Variants in CDH9 observed in about 807,000 individuals in gnomAD.
The protein encoded by CDH9 is cadherin 9, also known as cadherin-9.
CDH9 carries 28 observed loss-of-function variants against 70.9 expected under a neutral mutation model. That is an observed-to-expected ratio of 0.40 (90% CI 0.29 to 0.54). CDH9 has a LOEUF of 0.54. CDH9 is among the 20% of genes least tolerant of loss of function. CDH9 has a pLI of 0.59. For missense variants in CDH9, 874 were observed against 984.4 expected (o/e 0.89, Z 1.50); for synonymous variants, 409 against 343.1 (o/e 1.19, Z -2.12).
chr5:27,035,055 T>C (rs965345973), intron 1 of CDH9, among the ~76,000 whole-genome samples: 37 of 151,204 alleles, frequency 2.4e-4, no homozygotes, highest in African/African-American at 8.2e-4. Flanking sequence ...CTATCATCTA[T>C]GTATTTATCT....
chr5:27,006,283 T>A (rs1179374254), intron 1 of CDH9, among the ~76,000 whole-genome samples: 2 of 152,136 alleles, frequency 1.3e-5, no homozygotes, highest in African/African-American at 4.8e-5. Flanking sequence ...AGAAATTATG[T>A]TTACTGTATG....
At chr5:26,927,241 A>T (rs1048730841) in intron 2 of CDH9, among the ~76,000 whole-genome samples, 1 of 151,970 alleles carries the variant, frequency 6.6e-6, no homozygotes, top group Non-Finnish European at 1.5e-5. Flanking sequence ...AGGGATAGAA[A>T]AAAACATACT....
chr5:26,889,208 C>G (rs181647563), intron 9 of CDH9, among the ~76,000 whole-genome samples: 128 of 139,274 alleles, frequency 9.2e-4, no homozygotes, highest in African/African-American at 3.0e-3. Flanking sequence ...TATGCAGTTA[C>G]TGTTATTGAA....
intron 2 of CDH9, among the ~76,000 whole-genome samples, chr5:26,975,035 A>C (rs1484232277): frequency 6.6e-6 from 1 of 152,166 alleles, no homozygotes; most frequent in Non-Finnish European, 1.5e-5. Flanking sequence ...ATAGAATAAA[A>C]AAACAGAAAG....
Position 26,915,784 on chromosome 5 carries a change from C to T in CDH9, c.369G>A (p.Leu123=), listed in dbSNP as rs1158789225. Residue 123 remains leucine, a synonymous_variant, in exon 3 of 12, where the codon CTG becomes CTA. Transcript: ENST00000231021. ...CTATAGCCTTGGCACGAAGAATGTA[C>T]AGAGATTTTTCTTCTCTGTCTAGTT... ...AKKLDREEKS[L]YILRAKAIDR... is the part of the protein sequence containing the mutation. 1 of 1,613,600 alleles carries T rather than the reference C, an allele frequency of 6.2e-7. No individual in the cohort carries two copies. The highest frequency in any genetic ancestry group is 2.2e-5 in the East Asian group (1 of 44,856).
chr5:26,986,212 C>T lies in CDH9; in HGVS notation c.228+1894G>A, dbSNP rs1742485504. 2.0e-5 allele frequency among the ~76,000 whole-genome samples: 3 copies of T among 151,974 alleles called. No homozygotes were observed. In the South Asian group the frequency reaches 6.2e-4, roughly 32 times the overall value. On this transcript the variant is annotated intron_variant, in intron 2 of 11. Coordinates refer to ENST00000231021, the MANE Select transcript of CDH9 (RefSeq NM_016279.4). ...TTTCATTGTATTTATTTCCCCCAAA[C>T]ATCTGATATTATAATGAGTGTTCCA... is the stretch of plus-strand genomic sequence containing the variant.
chr5:26,912,591 T>A (rs1741073018), intron 3 of CDH9, among the ~76,000 whole-genome samples: 1 of 151,724 alleles, frequency 6.6e-6, no homozygotes, highest in African/African-American at 2.4e-5. Flanking sequence ...AGATTTAATT[T>A]AAATGAGAAG....
intron 1 of CDH9, among the ~76,000 whole-genome samples, chr5:27,020,548 A>G (rs1743119924): frequency 6.6e-6 from 1 of 151,688 alleles, no homozygotes; most frequent in Non-Finnish European, 1.5e-5. Flanking sequence ...TGATGTTATT[A>G]TAAGGTAAGA....
chr5:26,895,332 T>C (rs1740730753), intron 7 of CDH9, among the ~76,000 whole-genome samples: 2 of 152,192 alleles, frequency 1.3e-5, no homozygotes, highest in South Asian at 4.1e-4. Context: ...AGATTAGTGA[T>C]ATTATTGTTA....
rs764920066 is a variant in CDH9 at position 26,902,741 on chromosome 5, T to A, written c.1000-12A>T. On this transcript the variant is annotated splice_polypyrimidine_tract_variant and intron_variant, in intron 6 of 11. Coordinates refer to ENST00000231021, the MANE Select transcript of CDH9 (RefSeq NM_016279.4). ...TCAAAATCTAAATTCTGGAGTTAAATAACATAAAAGAAATTAGCATAATTC... is the reference window on the plus strand; with the variant it reads ...TCAAAATCTAAATTCTGGAGTTAAAAAACATAAAAGAAATTAGCATAATTC... 3 of 1,475,392 alleles carry A rather than the reference T, an allele frequency of 2.0e-6. No individual in the cohort carries two copies. The highest frequency in any genetic ancestry group is 1.9e-6 in the Non-Finnish European group (2 of 1,059,920). The allele number at this position is 1,475,392 out of a possible 1,614,324, so 91.4% of individuals were successfully genotyped here.
At chr5:27,020,378 G>T (rs1010403782) in intron 1 of CDH9, among the ~76,000 whole-genome samples, 1 of 151,266 alleles carries the variant, frequency 6.6e-6, no homozygotes, top group Non-Finnish European at 1.5e-5. Context: ...ACAATTCCAT[G>T]AATTTTATAT....
intron 6 of CDH9, chr5:26,903,068 A>T (rs748223170): frequency 2.0e-5 from 4 of 199,610 alleles, no homozygotes; most frequent in Non-Finnish European, 3.0e-5. Flanking sequence ...ATCAGAAGAA[A>T]AATATAAAAT....
chr5:26,924,449 C>A (rs1428898627), intron 2 of CDH9, among the ~76,000 whole-genome samples: 1 of 151,090 alleles, frequency 6.6e-6, no homozygotes, highest in African/African-American at 2.4e-5. Flanking sequence ...GACTTCACTG[C>A]TGAATTTTAC....
intron 2 of CDH9, among the ~76,000 whole-genome samples, chr5:26,959,562 A>G (rs1348539953): frequency 2.0e-5 from 3 of 152,128 alleles, no homozygotes; most frequent in Non-Finnish European, 4.4e-5. Flanking sequence ...GTAAATGTTC[A>G]AAGCTGCCTT....
At chr5:26,887,936 TA>T (rs1243370347) in intron 9 of CDH9, among the ~76,000 whole-genome samples, 2 of 152,128 alleles carry the variant, frequency 1.3e-5, no homozygotes, top group Non-Finnish European at 2.9e-5. Context: ...AGAGAGAGCA[TA>T]GATAGCCCTG....
At chr5:26,963,718 T>C (rs1742079043) in intron 2 of CDH9, among the ~76,000 whole-genome samples, 1 of 152,150 alleles carries the variant, frequency 6.6e-6, no homozygotes, top group African/African-American at 2.4e-5. Flanking sequence ...TTGGTGATTA[T>C]GCCTTTGGCC....
chr5:26,897,309 A>G (rs1248181675), intron 7 of CDH9, among the ~76,000 whole-genome samples: 1 of 152,154 alleles, frequency 6.6e-6, no homozygotes, highest in Non-Finnish European at 1.5e-5. Context: ...ACTCTCCCCA[A>G]TTCATTTTAT....
chr5:27,010,031 T>C (rs114972398), intron 1 of CDH9, among the ~76,000 whole-genome samples: 3,573 of 152,182 alleles, frequency 0.023, 152 homozygotes, highest in African/African-American at 0.082. Flanking sequence ...TTAATCTTCC[T>C]TATATAATCA....
At chr5:27,032,026 C>G (rs528242725) in intron 1 of CDH9, among the ~76,000 whole-genome samples, 1 of 151,792 alleles carries the variant, frequency 6.6e-6, no homozygotes, top group Non-Finnish European at 1.5e-5. Flanking sequence ...CCAAGTTTAA[C>G]AAAGGTCACA....
Sources: allele counts gnomAD v4.1 joint callset (sites outside exome capture counted in the v4.1 genomes callset), GRCh38; gene constraint gnomAD v4.1.1; transcripts MANE v1.5; gene names NCBI Gene and HGNC (gene_info 2026-07-23, HGNC 2026-07-21).